Variants in PLS1 observed in about 807,000 individuals in gnomAD.
The protein encoded by PLS1 is plastin 1.
PLS1 carries 32 observed loss-of-function variants against 73.7 expected under a neutral mutation model. The observed-to-expected ratio is 0.43, with a 90% confidence interval of 0.33 to 0.58. PLS1 has a LOEUF of 0.58. Ranked by LOEUF, PLS1 falls within the 20% of genes least tolerant of loss-of-function variation. The pLI is 0.04. For synonymous variants in PLS1, 217 were observed against 261.3 expected, an observed-to-expected ratio of 0.83 and a Z score of 1.63; for missense variants, 633 against 740.5, an observed-to-expected ratio of 0.85 and a Z score of 1.68.
At chr3:142,710,005 C>CT (rs1481510001) in intron 14 of PLS1, among the ~76,000 whole-genome samples, 1 of 151,860 alleles carries the variant, frequency 6.6e-6, no homozygotes, top group Non-Finnish European at 1.5e-5. Flanking sequence ...TGACATTCTA[C>CT]TTTAGAGATT....
chr3:142,628,752 C>T (rs905436334), intron 1 of PLS1, among the ~76,000 whole-genome samples: 8 of 152,194 alleles, frequency 5.3e-5, no homozygotes, highest in Non-Finnish European at 1.5e-5. Context: ...AGAATGAAAT[C>T]TCTAGTGAAT....
At chr3:142,616,171 A>G (rs1271502680) in intron 1 of PLS1, among the ~76,000 whole-genome samples, 1 of 152,228 alleles carries the variant, frequency 6.6e-6, no homozygotes, top group Non-Finnish European at 1.5e-5. Flanking sequence ...CCTCATGGAA[A>G]CATAAAGATA....
At position 142,676,247 on chromosome 3, in the gene PLS1, A is replaced by T; in HGVS notation, c.455A>T (p.Asp152Val). Residue 152 changes from aspartate to valine, a missense_variant, in exon 5 of 16, where the codon GAT (aspartate) becomes GTT (valine). Asp to Val is a radical substitution (Grantham distance 152). Coordinates refer to ENST00000457734, the MANE Select transcript of PLS1 (RefSeq NM_001145319.2). ...CKHLIPMNPN[D>V]DSLFKSLADG... is the part of the protein sequence containing the mutation. The stretch of plus-strand genomic sequence containing the variant: ...CATCTTATACCCATGAATCCCAATG[A>T]TGATAGTCTTTTCAAGTCACTTGCA... The T allele has an allele frequency of 6.2e-7, 1 of 1,613,456 alleles. No homozygotes were observed. The highest frequency in any genetic ancestry group is 8.5e-7 in the Non-Finnish European group (1 of 1,179,552).
chr3:142,651,032 A>G (rs893710538), intron 1 of PLS1, among the ~76,000 whole-genome samples: 4 of 152,186 alleles, frequency 2.6e-5, no homozygotes, highest in African/African-American at 9.6e-5. Context: ...GTTCAGGAAT[A>G]TGATGAGTGG....
At chr3:142,630,604 A>G (rs1462804142) in intron 1 of PLS1, among the ~76,000 whole-genome samples, 1 of 151,864 alleles carries the variant, frequency 6.6e-6, no homozygotes, top group Admixed American at 6.6e-5. Context: ...TACAAAAATT[A>G]GCCGGTCATG....
At chr3:142,665,184 G>C (rs6809866) in intron 2 of PLS1, among the ~76,000 whole-genome samples, 127 of 149,892 alleles carry the variant, frequency 8.5e-4, no homozygotes, top group African/African-American at 2.9e-3. Context: ...CTTGTGCTTA[G>C]ATTTCTCACA....
intron 1 of PLS1, among the ~76,000 whole-genome samples, chr3:142,658,498 A>G (rs1003666306): frequency 2.0e-5 from 3 of 151,152 alleles, no homozygotes; most frequent in Admixed American, 1.3e-4. Context: ...AAAAAGATGT[A>G]ACAGATTCAG....
At chr3:142,622,311 G>C (rs1205313761) in intron 1 of PLS1, among the ~76,000 whole-genome samples, 2 of 152,182 alleles carry the variant, frequency 1.3e-5, no homozygotes, top group African/African-American at 4.8e-5. Context: ...ACAGCCGGCA[G>C]TGTTTTGACA....
intron 1 of PLS1, among the ~76,000 whole-genome samples, chr3:142,653,464 G>A (rs1350694962): frequency 1.3e-5 from 2 of 151,106 alleles, no homozygotes; most frequent in Non-Finnish European, 2.9e-5. Flanking sequence ...GTGCTCAAGC[G>A]ATCCTCCCAC....
intron 1 of PLS1, among the ~76,000 whole-genome samples, chr3:142,633,769 A>T (rs895843452): frequency 7.9e-5 from 12 of 152,214 alleles, no homozygotes; most frequent in African/African-American, 2.9e-4. Flanking sequence ...ACTGTTACCC[A>T]ACAAAGTAAA....
chr3:142,695,642 T>G (rs1038420740), intron 11 of PLS1, among the ~76,000 whole-genome samples: 3 of 152,226 alleles, frequency 2.0e-5, no homozygotes, highest in African/African-American at 7.2e-5. Context: ...TGATCCCATT[T>G]TGTTTACAAT....
intron 1 of PLS1, among the ~76,000 whole-genome samples, chr3:142,631,664 GAAAAA>G (rs71153981): frequency 9.1e-4 from 36 of 39,444 alleles, no homozygotes; most frequent in African/African-American, 2.7e-3. Flanking sequence ...CCTGTCTCTA[GAAAAA>G]AAAAAAAAAA....
At chr3:142,694,396 C>A in intron 10 of PLS1, 73 bp from the exon 11 acceptor site, 1 of 899,114 alleles carries the variant, frequency 1.1e-6, no homozygotes, top group Non-Finnish European at 1.8e-6. Context: ...TTTGTACCTG[C>A]TAGAATGGTT....
At chr3:142,694,273 AT>A (rs1349356846) in intron 10 of PLS1, among the ~76,000 whole-genome samples, 195 bp from the exon 11 acceptor site, 1 of 152,120 alleles carries the variant, frequency 6.6e-6, no homozygotes, top group Non-Finnish European at 1.5e-5. Flanking sequence ...TTTAGAGCAA[AT>A]GGAGGCTTCC....
chr3:142,606,736 A>C (rs1322708924), intron 1 of PLS1, among the ~76,000 whole-genome samples: 1 of 152,158 alleles, frequency 6.6e-6, no homozygotes, highest in South Asian at 2.1e-4. Context: ...ACTTAGCACA[A>C]TGATGTCAAG....
intron 9 of PLS1, among the ~76,000 whole-genome samples, chr3:142,687,697 T>C (rs891878373): frequency 1.3e-5 from 2 of 152,160 alleles, no homozygotes; most frequent in African/African-American, 4.8e-5. Context: ...TCTCCTCTCC[T>C]ATATTATTTT....
intron 1 of PLS1, among the ~76,000 whole-genome samples, chr3:142,599,229 C>T (rs2035868686): frequency 6.7e-6 from 1 of 150,140 alleles, no homozygotes; most frequent in South Asian, 2.1e-4. Context: ...GTGCATTTTG[C>T]CATGGGGAGG....
intron 1 of PLS1, among the ~76,000 whole-genome samples, chr3:142,637,759 A>T (rs564673561): frequency 3.7e-4 from 57 of 152,272 alleles, no homozygotes; most frequent in African/African-American, 1.3e-3. Flanking sequence ...TATGTAATTA[A>T]ATATGGAAAA....
Position 142,599,167 on chromosome 3 carries a change from C to CATGA in PLS1, c.-37+2669_-37+2672dup, listed in dbSNP as rs200763781. On this transcript the variant is annotated intron_variant, in intron 1 of 15. Transcript: ENST00000457734. ...AGTATCAGACACTCAATAGTTATTA[C>CATGA]ATGAATGAATGAATAAATAAATAAA... Among the ~76,000 whole-genome samples, 1,041 of 142,402 alleles carry CATGA rather than the reference C, an allele frequency of 7.3e-3. 8 individuals are homozygous for CATGA. The highest frequency in any genetic ancestry group is 0.039 in the East Asian group (196 of 5,010). 93.4% of individuals were successfully genotyped at this position (142,402 alleles called of 152,430 possible). A position where few individuals can be genotyped will look rare whatever the true frequency, so the allele number is the denominator to read the frequency against.
Sources: gnomAD v4.1 joint callset for allele counts (sites outside exome capture counted in the v4.1 genomes callset) on GRCh38, gnomAD v4.1.1 for gene constraint, MANE v1.5 for transcripts, NCBI Gene and HGNC (gene_info 2026-07-23, HGNC 2026-07-21) for gene names.